Variants in CNTN3 observed in about 807,000 individuals in gnomAD.
CNTN3 encodes the protein contactin-3.
In CNTN3, 60 loss-of-function variants were observed where a neutral mutation model predicts 119.1. The ratio of observed to expected loss-of-function variants is 0.50; its 90% CI spans 0.41 to 0.62. The LOEUF (loss-of-function observed/expected upper bound fraction) is 0.62. Among genes scored for constraint, CNTN3 ranks in the 20% least tolerant of loss-of-function variants. The probability of loss-of-function intolerance (pLI) is 0.00; values close to 1 mark genes in which losing one functional copy is unlikely to be tolerated. For synonymous variants in CNTN3, 450 were observed against 438.7 expected (o/e 1.03, Z -0.32); for missense variants, 1,101 against 1,242.4 (o/e 0.89, Z 1.71).
intron 4 of CNTN3, among the ~76,000 whole-genome samples, chr3:74,482,421 C>G (rs1423874456): frequency 6.6e-6 from 1 of 151,964 alleles, no homozygotes; most frequent in African/African-American, 2.4e-5. Flanking sequence ...AAAAACTAAA[C>G]TAGCTGATAA....
intron 3 of CNTN3, among the ~76,000 whole-genome samples, chr3:74,487,723 T>C (rs547509107): frequency 6.6e-6 from 1 of 152,106 alleles, no homozygotes; most frequent in South Asian, 2.1e-4. Context: ...GCACATATGT[T>C]GAGAAAACAT....
At position 74,574,025 on chromosome 3, in the gene CNTN3, G is replaced by C. The variant is rs191798117; in HGVS notation, c.-81+40366C>G. Among the ~76,000 whole-genome samples, 368 of 152,142 alleles carry C rather than the reference G, an allele frequency of 2.4e-3. 3 individuals carry two copies. Among genetic ancestry groups the C allele is most frequent in the Admixed American group, 3.5e-3 (54 of 15,270 alleles). ...TTGAGAGCAGCATTGTTCATAATAG[G>C]CAAAAAGTGGAAACAACCCAAATGT... is the stretch of plus-strand genomic sequence containing the variant. On this transcript the variant is annotated intron_variant, in intron 1 of 22. Transcript: ENST00000263665.
chr3:74,416,545 T>C (rs558989654), intron 5 of CNTN3, among the ~76,000 whole-genome samples: 1 of 152,176 alleles, frequency 6.6e-6, no homozygotes, highest in East Asian at 1.9e-4. Flanking sequence ...AGTGTGATTG[T>C]AGCAGGGTGG....
At chr3:74,445,316 G>C (rs1233935878) in intron 4 of CNTN3, among the ~76,000 whole-genome samples, 2 of 151,974 alleles carry the variant, frequency 1.3e-5, no homozygotes, top group African/African-American at 2.4e-5. Context: ...AAACTGGAGT[G>C]CAGTGGTGGG....
intron 20 of CNTN3, among the ~76,000 whole-genome samples, chr3:74,281,263 GGA>G (rs1702002052): frequency 1.3e-5 from 2 of 152,154 alleles, no homozygotes; most frequent in Admixed American, 1.3e-4. Context: ...CTGATCTACA[GGA>G]GAGAGTTGGA....
intron 4 of CNTN3, among the ~76,000 whole-genome samples, chr3:74,425,517 C>T (rs992075782): frequency 5.9e-5 from 9 of 152,052 alleles, no homozygotes; most frequent in African/African-American, 2.2e-4. Context: ...GAAATAGTGT[C>T]TAAAATGGCA....
chr3:74,483,196 G>T (rs1463556784), intron 4 of CNTN3, among the ~76,000 whole-genome samples: 1 of 151,940 alleles, frequency 6.6e-6, no homozygotes, highest in African/African-American at 2.4e-5. Context: ...AATAAAACTT[G>T]TAAAGCAGAG....
At chr3:74,297,597 G>T (rs1702366864) in intron 18 of CNTN3, among the ~76,000 whole-genome samples, 1 of 152,172 alleles carries the variant, frequency 6.6e-6, no homozygotes, top group African/African-American at 2.4e-5. Flanking sequence ...GGCGAACATG[G>T]AGTAGCTACC....
rs184764251 is a variant in CNTN3 at position 74,495,110 on chromosome 3, G to A, written c.182+4549C>T. 3.3e-3 allele frequency among the ~76,000 whole-genome samples: 497 copies of A among 152,120 alleles called. 19 individuals are homozygous for A. Among genetic ancestry groups the A allele is most frequent in the Admixed American group, 0.03 (460 of 15,246 alleles). On this transcript the variant is annotated intron_variant, in intron 3 of 22. Coordinates refer to ENST00000263665, the MANE Select transcript of CNTN3 (RefSeq NM_020872.3). The stretch of plus-strand genomic sequence containing the variant: ...TGATTACTCTCAAATGTGGCTGATT[G>A]TGGGTGTGGGGACCAGAGCTCACCA...
intron 9 of CNTN3, 48 bp downstream of exon 9, chr3:74,365,518 G>A: frequency 6.2e-7 from 1 of 1,609,424 alleles, no homozygotes; most frequent in Non-Finnish European, 8.5e-7. Flanking sequence ...TGAGGAAAGG[G>A]TGGATTTACC....
At chr3:74,441,333 G>A (rs770171384) in intron 4 of CNTN3, among the ~76,000 whole-genome samples, 3 of 151,960 alleles carry the variant, frequency 2.0e-5, no homozygotes, top group Non-Finnish European at 4.4e-5. Flanking sequence ...TGGAAACATC[G>A]CTATCAGTAT....
At chr3:74,438,106 A>G (rs926487512) in intron 4 of CNTN3, among the ~76,000 whole-genome samples, 1 of 152,226 alleles carries the variant, frequency 6.6e-6, no homozygotes, top group African/African-American at 2.4e-5. Flanking sequence ...ATATAAAATG[A>G]CATTATTCTG....
At chr3:74,437,241 G>A (rs751851493) in intron 4 of CNTN3, among the ~76,000 whole-genome samples, 3 of 152,036 alleles carry the variant, frequency 2.0e-5, no homozygotes, top group Non-Finnish European at 4.4e-5. Context: ...GGCGGATCAC[G>A]AGGTCAGGAG....
chr3:74,488,044 T>C (rs536493367), intron 3 of CNTN3, among the ~76,000 whole-genome samples: 355 of 149,816 alleles, frequency 2.4e-3, no homozygotes, highest in Non-Finnish European at 4.1e-3. Context: ...TATAGTGTAA[T>C]ACATCAATAT....
chr3:74,610,340 A>AT (rs1160332534), intron 1 of CNTN3, among the ~76,000 whole-genome samples: 1 of 151,396 alleles, frequency 6.6e-6, no homozygotes, highest in African/African-American at 2.4e-5. Context: ...AAAAATGAAA[A>AT]AAAAAACCCT....
rs1255155234 is a variant in CNTN3, at chr3:74,297,988, G to A, written c.2370C>T (p.Ser790=). The A allele has an allele frequency of 1.9e-6, 3 of 1,613,660 alleles. No homozygotes were observed. Among genetic ancestry groups the A allele is most frequent in the Admixed American group, 3.3e-5 (2 of 60,006 alleles). Reference sequence around the variant, plus strand: ...CTGCAGAGAACACTGTTGTCACTGGGCTAAATGGTCCTTCACCTTTGTTAT... The same window carrying A: ...CTGCAGAGAACACTGTTGTCACTGGACTAAATGGTCCTTCACCTTTGTTAT... ...VYNNKGEGPF[S]PVTTVFSAEE... is the part of the protein sequence containing the mutation. Residue 790 remains serine (S), a synonymous_variant, in exon 18 of 23, where the codon AGC becomes AGT. Coordinates refer to ENST00000263665, the MANE Select transcript of CNTN3 (RefSeq NM_020872.3).
chr3:74,527,649 G>A (rs1443985023), intron 1 of CNTN3, among the ~76,000 whole-genome samples: 1 of 151,928 alleles, frequency 6.6e-6, no homozygotes, highest in Admixed American at 6.6e-5. Flanking sequence ...GCTTCAAAAT[G>A]TTAGATAACA....
At chr3:74,401,410 G>A (rs1705187331) in intron 5 of CNTN3, among the ~76,000 whole-genome samples, 2 of 152,042 alleles carry the variant, frequency 1.3e-5, no homozygotes, top group South Asian at 4.1e-4. Flanking sequence ...AAGCAATTCA[G>A]CTCCAAGTCA....
chr3:74,502,972 A>T (rs1212713734), intron 2 of CNTN3, among the ~76,000 whole-genome samples: 2 of 152,216 alleles, frequency 1.3e-5, no homozygotes, highest in African/African-American at 4.8e-5. Flanking sequence ...TAGAATGAAT[A>T]AGATGAATGA....
Sources: allele counts gnomAD v4.1 joint callset (sites outside exome capture counted in the v4.1 genomes callset), GRCh38; gene constraint gnomAD v4.1.1; transcripts MANE v1.5; gene names NCBI Gene and HGNC (gene_info 2026-07-23, HGNC 2026-07-21).